The following KCNMB2 variants were observed in gnomAD, a reference collection of about 807,000 sequenced individuals.
KCNMB2 encodes potassium calcium-activated channel subfamily M regulatory beta subunit 2, also known as calcium-activated potassium channel subunit beta-2.
Under a neutral mutation model 24.5 loss-of-function variants are expected in KCNMB2, and 9 were observed. The ratio of observed to expected loss-of-function variants is 0.37; its 90% CI spans 0.22 to 0.64. KCNMB2 has a LOEUF of 0.64. Among genes scored for constraint, KCNMB2 ranks in the 30% least tolerant of loss-of-function variants. KCNMB2 has a pLI of 0.63. For synonymous variants in KCNMB2, 109 were observed against 104.4 expected (o/e 1.04, Z -0.27); for missense variants, 226 against 284.3 (o/e 0.79, Z 1.47).
At chr3:178,574,270 G>A (rs1716911125) in intron 1 of KCNMB2, among the ~76,000 whole-genome samples, 1 of 152,178 alleles carries the variant, frequency 6.6e-6, no homozygotes, top group African/African-American at 2.4e-5. Context: ...TGGAGATCAG[G>A]CTGCACTGAA....
chr3:178,704,202 T>G (rs1161335002), intron 1 of KCNMB2, among the ~76,000 whole-genome samples: 1 of 152,088 alleles, frequency 6.6e-6, no homozygotes, highest in Non-Finnish European at 1.5e-5. Flanking sequence ...ATTTGCTATG[T>G]AAATCACACT....
intron 1 of KCNMB2, among the ~76,000 whole-genome samples, chr3:178,568,698 T>C (rs934889342): frequency 1.3e-5 from 2 of 150,110 alleles, no homozygotes; most frequent in Non-Finnish European, 3.0e-5. Context: ...ATTGAACTAA[T>C]AAATGCATTT....
intron 1 of KCNMB2, among the ~76,000 whole-genome samples, chr3:178,606,904 C>A (rs1310261583): frequency 1.3e-5 from 2 of 152,186 alleles, no homozygotes; most frequent in Non-Finnish European, 2.9e-5. Context: ...CCCCTTCCAT[C>A]ATGTGAAGAC....
At chr3:178,565,496 G>C (rs1258383014) in intron 1 of KCNMB2, among the ~76,000 whole-genome samples, 2 of 152,172 alleles carry the variant, frequency 1.3e-5, no homozygotes, top group Non-Finnish European at 2.9e-5. Context: ...ATGGATGAAG[G>C]CCATGGCAGC....
intron 1 of KCNMB2, among the ~76,000 whole-genome samples, chr3:178,805,444 G>A (rs1438897415): frequency 2.6e-5 from 4 of 152,162 alleles, no homozygotes; most frequent in African/African-American, 9.7e-5. Context: ...AGGTCACACA[G>A]CTAGTTAGTG....
At chr3:178,544,860 A>C (rs889384003) in intron 1 of KCNMB2, among the ~76,000 whole-genome samples, 1 of 152,256 alleles carries the variant, frequency 6.6e-6, no homozygotes, top group African/African-American at 2.4e-5. Flanking sequence ...GAAAGCAGCA[A>C]CGATGTTTTT....
At chr3:178,770,705 C>G (rs890817813) in intron 1 of KCNMB2, among the ~76,000 whole-genome samples, 8 of 152,122 alleles carry the variant, frequency 5.3e-5, no homozygotes, top group Non-Finnish European at 1.0e-4. Context: ...TGATAGAGTC[C>G]ATACACATTT....
intron 1 of KCNMB2, among the ~76,000 whole-genome samples, chr3:178,686,581 G>A (rs1228313486): frequency 6.6e-6 from 1 of 152,136 alleles, no homozygotes; most frequent in Non-Finnish European, 1.5e-5. Context: ...GAGGGAAGGT[G>A]AGAGTGACCT....
At chr3:178,811,953 T>G (rs1714210335) in intron 2 of KCNMB2, among the ~76,000 whole-genome samples, 1 of 152,214 alleles carries the variant, frequency 6.6e-6, no homozygotes, top group Non-Finnish European at 1.5e-5. Context: ...CTGAGTTGAC[T>G]GTTTAAATAT....
At chr3:178,618,387 T>C (rs1718791463) in intron 1 of KCNMB2, among the ~76,000 whole-genome samples, 1 of 152,234 alleles carries the variant, frequency 6.6e-6, no homozygotes, top group South Asian at 2.1e-4. Context: ...ATAAGCCATC[T>C]GCCCACAGAG....
At chr3:178,580,721 T>C (rs1436041491) in intron 1 of KCNMB2, among the ~76,000 whole-genome samples, 2 of 152,052 alleles carry the variant, frequency 1.3e-5, no homozygotes, top group Non-Finnish European at 2.9e-5. Flanking sequence ...TATACGCCAA[T>C]AATAGACAAA....
intron 1 of KCNMB2, among the ~76,000 whole-genome samples, chr3:178,539,691 A>G (rs1715548474): frequency 6.6e-6 from 1 of 151,386 alleles, no homozygotes; most frequent in Non-Finnish European, 1.5e-5. Context: ...CTACCTCTTA[A>G]CTCAGGTTTC....
intron 1 of KCNMB2, among the ~76,000 whole-genome samples, chr3:178,611,409 C>CA (rs926268019): frequency 2.0e-5 from 3 of 151,494 alleles, no homozygotes; most frequent in Admixed American, 6.6e-5. Flanking sequence ...TTTAACTTTT[C>CA]AAAAAAAACC....
Position 178,843,027 on chromosome 3 carries a change from G to A in KCNMB2, c.*90G>A. ...AAGAACCTTAAGTTTGTAACGTGCA[G>A]TCTGTTATGAGTTCCCTAATATATT... On this transcript the variant is annotated 3_prime_UTR_variant, in exon 5 of 5. Coordinates refer to ENST00000452583, the MANE Select transcript of KCNMB2 (RefSeq NM_181361.3). The A allele has an allele frequency of 1.8e-6, 2 of 1,085,790 alleles. No homozygotes were observed. Among genetic ancestry groups the A allele is most frequent in the Non-Finnish European group, 2.7e-6 (2 of 751,188 alleles). The allele number at this position is 1,085,790 out of a possible 1,614,324, so 67.3% of individuals were successfully genotyped here.
intron 1 of KCNMB2, among the ~76,000 whole-genome samples, chr3:178,794,790 T>A (rs1220137562): frequency 6.6e-6 from 1 of 152,136 alleles, no homozygotes; most frequent in Admixed American, 6.6e-5. Flanking sequence ...GGGTCTTAAG[T>A]AATCACCACA....
chr3:178,544,866 T>C (rs940295602), intron 1 of KCNMB2, among the ~76,000 whole-genome samples: 6 of 152,034 alleles, frequency 3.9e-5, no homozygotes, highest in African/African-American at 1.5e-4. Flanking sequence ...AGCAACGATG[T>C]TTTTTATAAA....
rs963275213 is a variant in KCNMB2 at position 178,751,526 on chromosome 3, A to G, written c.-67-55817A>G. On this transcript the variant is annotated intron_variant, in intron 1 of 4. Transcript: ENST00000452583. ...GAGGCAGAGGTTGCAGTGAGCCGAG[A>G]TCATGCCATTGCACTCCAGCCCGAG... Among the ~76,000 whole-genome samples, 13 of 140,974 alleles carry G rather than the reference A, an allele frequency of 9.2e-5. No homozygotes were observed. The Admixed American group carries it at 9.2e-4, about 10-fold the overall frequency. 92.5% of individuals were successfully genotyped at this position (140,974 alleles called of 152,430 possible).
chr3:178,654,532 C>T (rs1720250440), intron 1 of KCNMB2, among the ~76,000 whole-genome samples: 1 of 152,004 alleles, frequency 6.6e-6, no homozygotes, highest in African/African-American at 2.4e-5. Context: ...TGAATGAGAT[C>T]GAAAACCACA....
intron 1 of KCNMB2, among the ~76,000 whole-genome samples, chr3:178,550,604 C>A (rs1391498453): frequency 6.6e-6 from 1 of 151,652 alleles, no homozygotes; most frequent in Non-Finnish European, 1.5e-5. Context: ...TACAAAGTTA[C>A]ACAGTGCTTT....
Sources: allele counts gnomAD v4.1 joint callset (sites outside exome capture counted in the v4.1 genomes callset), GRCh38; gene constraint gnomAD v4.1.1; transcripts MANE v1.5; gene names NCBI Gene and HGNC (gene_info 2026-07-23, HGNC 2026-07-21).